NRXN3: variants seen among roughly 807,000 people sequenced by gnomAD.
The protein encoded by NRXN3 is neurexin 3.
A neutral mutation model predicts 137.6 loss-of-function variants in NRXN3; 32 were observed. That is an observed-to-expected ratio of 0.23 (90% CI 0.18 to 0.31). The LOEUF is 0.31. Ranked by LOEUF, NRXN3 falls within the 10% of genes least tolerant of loss-of-function variation. NRXN3 has a pLI of 1.00. For synonymous variants in NRXN3, 798 were observed against 784.5 expected (o/e 1.02, Z -0.29); for missense variants, 1,574 against 2,062.5 (o/e 0.76, Z 4.59).
chr14:78,841,586 A>G (rs2099012687), intron 10 of NRXN3, among the ~76,000 whole-genome samples: 1 of 151,808 alleles, frequency 6.6e-6, no homozygotes, highest in Admixed American at 6.6e-5. Flanking sequence ...TATCAATTCT[A>G]TTTTTGGTTT....
rs761243980 is a variant in NRXN3 at position 79,861,848 on chromosome 14, C to G, written c.4600C>G (p.Arg1534Gly). The G allele has an allele frequency of 7.4e-6, 12 of 1,613,906 alleles. No individual in the cohort carries two copies. Among genetic ancestry groups the G allele is most frequent in the Non-Finnish European group, 6.8e-6 (8 of 1,180,032 alleles). Residue 1534 changes from arginine to glycine, a missense_variant, in exon 21 of 21, where the codon CGG becomes GGG. By Grantham distance (125) the Arg-to-Gly change is moderately radical. Coordinates refer to ENST00000335750, the MANE Select transcript of NRXN3 (RefSeq NM_001330195.2). This position sits in a 1 kb window ranked among gnomAD's most constrained non-coding sequence, Gnocchi z 5.4. ...DEGSYQVDET[R>G]NYISNSAQSN... ...GGGGTCCTATCAAGTGGACGAGACG[C>G]GGAACTACATCAGCAACTCCGCCCA... is the stretch of plus-strand genomic sequence containing the variant.
chr14:79,329,344 G>C (rs769310581), intron 15 of NRXN3, among the ~76,000 whole-genome samples: 3 of 152,136 alleles, frequency 2.0e-5, no homozygotes, highest in Non-Finnish European at 4.4e-5. Flanking sequence ...TGTTTCATTA[G>C]ACTTCATTCA....
chr14:78,780,328 T>A (rs913008368), intron 8 of NRXN3, among the ~76,000 whole-genome samples: 3 of 152,098 alleles, frequency 2.0e-5, no homozygotes, highest in African/African-American at 7.2e-5. Context: ...AAAATTTAAA[T>A]GTAAAATGCG....
chr14:79,223,532 T>C (rs538499674), intron 15 of NRXN3, among the ~76,000 whole-genome samples: 1 of 152,264 alleles, frequency 6.6e-6, no homozygotes, highest in South Asian at 2.1e-4. Context: ...CTATGAGCAA[T>C]TAAATACTTT....
intron 15 of NRXN3, among the ~76,000 whole-genome samples, chr14:79,136,714 G>A (rs2653550): frequency 2.6e-5 from 4 of 152,118 alleles, no homozygotes; most frequent in Admixed American, 6.5e-5. Context: ...AAATACAAAC[G>A]TTAGAGTCAA....
chr14:78,933,502 G>A (rs935368101), intron 10 of NRXN3, among the ~76,000 whole-genome samples: 1 of 152,132 alleles, frequency 6.6e-6, no homozygotes. Context: ...CTCTGCAACT[G>A]TTTTTTATTT....
intron 19 of NRXN3, among the ~76,000 whole-genome samples, chr14:79,744,866 T>C (rs2098974471): frequency 6.6e-6 from 1 of 152,060 alleles, no homozygotes; most frequent in Non-Finnish European, 1.5e-5. Context: ...GGAACCACGG[T>C]CCTGAAGTAT....
intron 4 of NRXN3, among the ~76,000 whole-genome samples, chr14:78,351,594 T>C (rs1020857710): frequency 6.6e-6 from 1 of 152,138 alleles, no homozygotes; most frequent in African/African-American, 2.4e-5. Context: ...GTATTGGTCT[T>C]GAGGTTCCCT....
chr14:78,360,580 A>G (rs1264601901), intron 4 of NRXN3, among the ~76,000 whole-genome samples: 1 of 152,166 alleles, frequency 6.6e-6, no homozygotes, highest in East Asian at 1.9e-4. Flanking sequence ...CTTTATCTCC[A>G]CAATGGGATA....
chr14:79,630,925 G>A (rs1357455782), intron 16 of NRXN3, among the ~76,000 whole-genome samples: 1 of 152,172 alleles, frequency 6.6e-6, no homozygotes, highest in Non-Finnish European at 1.5e-5. Context: ...GTTCTTGTTT[G>A]GTACAAGCTC....
intron 4 of NRXN3, among the ~76,000 whole-genome samples, chr14:78,404,921 C>T (rs1283018767): frequency 2.6e-5 from 4 of 152,256 alleles, no homozygotes; most frequent in African/African-American, 7.2e-5. Flanking sequence ...GCCTGCCTAT[C>T]GTCTGTCTAC....
chr14:78,890,518 C>T (rs1267033068), intron 10 of NRXN3, among the ~76,000 whole-genome samples: 1 of 151,750 alleles, frequency 6.6e-6, no homozygotes, highest in African/African-American at 2.4e-5. Flanking sequence ...GTTCTCCCAG[C>T]AGAGGAAATA....
At chr14:79,754,504 AT>A (rs2099011142) in intron 19 of NRXN3, among the ~76,000 whole-genome samples, 2 of 106 alleles carry the variant, frequency 0.019, no homozygotes, top group South Asian at 0.12. Context: ...CTCTCTCTTG[AT>A]ATATATATAT....
chr14:79,769,092 G>A (rs1393741410), intron 19 of NRXN3, among the ~76,000 whole-genome samples: 5 of 151,900 alleles, frequency 3.3e-5, no homozygotes, highest in African/African-American at 7.3e-5. Flanking sequence ...AAAAGGAAAC[G>A]AGCAAAGCCT....
intron 15 of NRXN3, among the ~76,000 whole-genome samples, chr14:78,988,634 G>A (rs1177868691): frequency 6.6e-6 from 1 of 152,146 alleles, no homozygotes; most frequent in African/African-American, 2.4e-5. Flanking sequence ...ACATTCAAGA[G>A]TTTATTTTTT....
chr14:79,062,929 GA>G lies in NRXN3; in HGVS notation c.3262+74793del, dbSNP rs2099675993. 2.0e-5 allele frequency among the ~76,000 whole-genome samples: 3 copies of G among 152,236 alleles called. No homozygotes were observed. In the South Asian group the frequency reaches 6.2e-4, roughly 32 times the overall value. On this transcript the variant is annotated intron_variant, in intron 15 of 20. Coordinates refer to ENST00000335750, the MANE Select transcript of NRXN3 (RefSeq NM_001330195.2). ...CAATTGGCAGCAATAATTCTGAGGTGAAAAACCTGAAATTACTCCCTTAAAG... is the reference window on the plus strand; with the variant it reads ...CAATTGGCAGCAATAATTCTGAGGTGAAAACCTGAAATTACTCCCTTAAAG...
intron 16 of NRXN3, among the ~76,000 whole-genome samples, chr14:79,536,180 A>G (rs2097209463): frequency 6.6e-6 from 1 of 152,230 alleles, no homozygotes; most frequent in African/African-American, 2.4e-5. Flanking sequence ...GGTCTCTCCT[A>G]GAATCATGCC....
chr14:79,772,378 A>G (rs1375150488), intron 19 of NRXN3, among the ~76,000 whole-genome samples: 4 of 152,138 alleles, frequency 2.6e-5, no homozygotes, highest in Non-Finnish European at 4.4e-5. Flanking sequence ...TTCAAACTAT[A>G]CTACAAGGCT....
chr14:78,902,905 T>A (rs990201175), intron 10 of NRXN3, among the ~76,000 whole-genome samples: 1 of 151,704 alleles, frequency 6.6e-6, no homozygotes, highest in Non-Finnish European at 1.5e-5. Context: ...GTGCACACCA[T>A]AGTTCCCTCT....
Sources: allele counts gnomAD v4.1 joint callset (sites outside exome capture counted in the v4.1 genomes callset), GRCh38; gene constraint gnomAD v4.1.1; non-coding constraint Gnocchi (gnomAD v3.1); transcripts MANE v1.5; gene names NCBI Gene and HGNC (gene_info 2026-07-23, HGNC 2026-07-21).